MEGF10: variants seen among roughly 807,000 people sequenced by gnomAD.
MEGF10 encodes multiple EGF like domains 10, also known as multiple epidermal growth factor-like domains protein 10.
A neutral mutation model predicts 147.5 loss-of-function variants in MEGF10; 86 were observed. The observed-to-expected ratio is 0.58, with a 90% CI of 0.49 to 0.70. The LOEUF is 0.70. MEGF10 is among the 30% of genes least tolerant of loss of function. The pLI, the probability that MEGF10 is intolerant of heterozygous loss-of-function variation, is 0.00. For missense variants in MEGF10, 1,329 were observed against 1,487.3 expected, an observed-to-expected ratio of 0.89 and a Z score of 1.75; for synonymous variants, 478 against 525.5, an observed-to-expected ratio of 0.91 and a Z score of 1.24.
Position 127,396,675 on chromosome 5 carries a change from A to T in MEGF10, c.556A>T (p.Thr186Ser). The T allele has an allele frequency of 6.2e-7, 1 of 1,614,054 alleles. No individual in the cohort carries two copies. The highest frequency in any genetic ancestry group is 8.5e-7 in the Non-Finnish European group (1 of 1,180,034). The change falls in exon 6 of 25, where the codon ACC becomes TCC. Residue 186 changes from threonine (T) to serine (S), a missense_variant. By Grantham distance (58) the Thr-to-Ser change is moderately conservative. This residue lies in a region of MEGF10 where 980 missense variants were observed against 1,085.9 expected (regional missense o/e 0.90). Transcript: ENST00000503335. ...WRCEDRCEQG[T>S]YGNDCHQRCQ... ...CTGCGAGGACCGCTGTGAGCAGGGCACCTATGGTAACGACTGTCATCAGAG... is the reference window on the plus strand; with the variant it reads ...CTGCGAGGACCGCTGTGAGCAGGGCTCCTATGGTAACGACTGTCATCAGAG...
intron 11 of MEGF10, 34 bp downstream of exon 11, chr5:127,419,274 C>T (rs774338336): frequency 6.2e-7 from 1 of 1,603,714 alleles, no homozygotes; most frequent in Non-Finnish European, 8.5e-7. Context: ...TAATTTGATC[C>T]TGGTCACGTT....
At chr5:127,376,204 C>A (rs1385096454) in intron 5 of MEGF10, among the ~76,000 whole-genome samples, 1 of 151,960 alleles carries the variant, frequency 6.6e-6, no homozygotes, top group Non-Finnish European at 1.5e-5. Flanking sequence ...GGAGAGGAAG[C>A]AAAGAAATAG....
At chr5:127,386,272 G>T (rs1206119150) in intron 5 of MEGF10, among the ~76,000 whole-genome samples, 3 of 152,178 alleles carry the variant, frequency 2.0e-5, no homozygotes, top group African/African-American at 4.8e-5. Context: ...GCATTTCAAG[G>T]TTGTATCTGT....
At chr5:127,389,762 G>A (rs1224394756) in intron 5 of MEGF10, among the ~76,000 whole-genome samples, 1 of 152,066 alleles carries the variant, frequency 6.6e-6, no homozygotes, top group Non-Finnish European at 1.5e-5. Context: ...AGACACTGTG[G>A]CCTATTGGCA....
chr5:127,340,758 G>A, intron 4 of MEGF10, 128 bp downstream of exon 4: 1 of 691,324 alleles, frequency 1.4e-6, no homozygotes, highest in Non-Finnish European at 2.5e-6. Context: ...CCCTCTGGTT[G>A]CTACTTTTCC....
chr5:127,429,877 A>G (rs1418854058), intron 13 of MEGF10, among the ~76,000 whole-genome samples: 1 of 152,076 alleles, frequency 6.6e-6, no homozygotes, highest in African/African-American at 2.4e-5. Flanking sequence ...AAAATTGTTC[A>G]TTTGGTCCCT....
chr5:127,311,485 T>C (rs1760283506), intron 1 of MEGF10, among the ~76,000 whole-genome samples: 1 of 152,170 alleles, frequency 6.6e-6, no homozygotes, highest in Non-Finnish European at 1.5e-5. Context: ...CAGTTTTGAG[T>C]TAGGTGAGTA....
intron 1 of MEGF10, among the ~76,000 whole-genome samples, chr5:127,292,700 TGAG>T (rs775497928): frequency 2.0e-4 from 30 of 151,050 alleles, no homozygotes; most frequent in Admixed American, 7.2e-4. Flanking sequence ...TTGGAACAGG[TGAG>T]GAGGTGGGAA....
At chr5:127,283,046 G>A in the MEGF10 span, among the ~76,000 whole-genome samples, 2 of 152,144 alleles carry the variant, frequency 1.3e-5, no homozygotes, top group Non-Finnish European at 2.9e-5. Context: ...CCTCCCAGCT[G>A]CCCTCTCTTC....
chr5:127,355,281 G>C (rs1041768804), intron 4 of MEGF10, among the ~76,000 whole-genome samples: 2 of 151,910 alleles, frequency 1.3e-5, no homozygotes, highest in African/African-American at 4.8e-5. Context: ...TCTCAGGCTT[G>C]TTTAATGATA....
chr5:127,409,613 C>T (rs910868452), intron 8 of MEGF10: 7 of 152,362 alleles, frequency 4.6e-5, no homozygotes, highest in African/African-American at 1.7e-4. Context: ...GACAGAGCTC[C>T]AATGCCACTT....
chr5:127,387,316 TG>T (rs1322991161), intron 5 of MEGF10, among the ~76,000 whole-genome samples: 3 of 152,218 alleles, frequency 2.0e-5, no homozygotes, highest in Non-Finnish European at 4.4e-5. Context: ...ATTCTCTCCA[TG>T]TGTTCAAAGA....
chr5:127,457,297 C>G lies in MEGF10; in HGVS notation c.3402C>G (p.Asn1134Lys). The change falls in exon 25 of 25, where the codon AAC becomes AAG. Residue 1134 changes from asparagine (N) to lysine (K), a missense_variant. Asn to Lys is a moderately conservative substitution (Grantham distance 94). Transcript: ENST00000503335. ...AGGACAGTGGTGGTAGCAGCAGCAA[C>G]AGCAGCAGCAGCAGTGAATGACACC... ...KQEDSGGSSS[N>K]SSSSSE 1 of 1,435,602 alleles carries G rather than the reference C, an allele frequency of 7.0e-7. No individual in the cohort carries two copies. Among genetic ancestry groups the G allele is most frequent in the African/African-American group, 1.4e-5 (1 of 73,038 alleles). 88.9% of individuals were successfully genotyped at this position (1,435,602 alleles called of 1,614,324 possible).
intron 22 of MEGF10, among the ~76,000 whole-genome samples, chr5:127,451,250 G>A (rs1035356275): frequency 4.6e-5 from 7 of 152,206 alleles, no homozygotes; most frequent in African/African-American, 1.7e-4. Context: ...TGTAAGCAGT[G>A]TCAAGTTCTC....
chr5:127,453,712 T>C (rs1380089182), intron 22 of MEGF10, among the ~76,000 whole-genome samples: 6 of 152,216 alleles, frequency 3.9e-5, no homozygotes, highest in Non-Finnish European at 8.8e-5. Context: ...ATAGAATAAT[T>C]GACTCCCATG....
the MEGF10 span, among the ~76,000 whole-genome samples, chr5:127,247,410 G>C: frequency 2.8e-4 from 19 of 68,148 alleles, no homozygotes; most frequent in African/African-American, 9.5e-4. Flanking sequence ...AGAAGAAGAA[G>C]AAGAAGAAGA....
At chr5:127,347,676 A>G (rs900607350) in intron 4 of MEGF10, among the ~76,000 whole-genome samples, 1 of 152,060 alleles carries the variant, frequency 6.6e-6, no homozygotes, top group South Asian at 2.1e-4. Context: ...CACATGACCA[A>G]TGTATAGTTT....
the MEGF10 span, among the ~76,000 whole-genome samples, chr5:127,236,948 C>T: frequency 6.6e-6 from 1 of 152,104 alleles, no homozygotes; most frequent in African/African-American, 2.4e-5. Flanking sequence ...TACCTGTTGC[C>T]CCCAGATTTA....
intron 5 of MEGF10, among the ~76,000 whole-genome samples, chr5:127,381,687 C>G (rs968189156): frequency 1.3e-5 from 2 of 152,028 alleles, no homozygotes; most frequent in East Asian, 1.9e-4. Context: ...TTGTTTTTCT[C>G]GAGACAAGAG....
Sources: allele counts gnomAD v4.1 joint callset (sites outside exome capture counted in the v4.1 genomes callset), GRCh38; gene constraint gnomAD v4.1.1; regional missense constraint gnomAD v4.1.1; transcripts MANE v1.5; gene names NCBI Gene and HGNC (gene_info 2026-07-23, HGNC 2026-07-21).